RGS6: variants seen among roughly 807,000 people sequenced by gnomAD.
RGS6 encodes regulator of G protein signaling 6.
A neutral mutation model predicts 78.5 loss-of-function variants in RGS6; 30 were observed. That is an observed-to-expected ratio of 0.38 (90% CI 0.29 to 0.52). The LOEUF is 0.52. RGS6 is among the 20% of genes least tolerant of loss of function. The pLI is 0.85. For synonymous variants in RGS6, 206 were observed against 206.0 expected, an observed-to-expected ratio of 1.00 and a Z score of 0.00; for missense variants, 495 against 609.7, an observed-to-expected ratio of 0.81 and a Z score of 1.98.
chr14:72,604,700 T>G, the RGS6 span, among the ~76,000 whole-genome samples: 587 of 152,260 alleles, frequency 3.9e-3, 10 homozygotes, highest in African/African-American at 0.014. Flanking sequence ...TGGGTGCTGG[T>G]ACGACCCTCC....
the RGS6 span, among the ~76,000 whole-genome samples, chr14:71,874,311 A>G: frequency 1.3e-5 from 2 of 151,574 alleles, no homozygotes; most frequent in African/African-American, 2.4e-5. Flanking sequence ...GTCCTTTTTT[A>G]TTTCATTGAG....
At chr14:71,892,271 A>C in the RGS6 span, among the ~76,000 whole-genome samples, 1 of 152,198 alleles carries the variant, frequency 6.6e-6, no homozygotes, top group Non-Finnish European at 1.5e-5. Context: ...GAGAAATTGT[A>C]TTTTGTCTAA....
At chr14:72,550,463 AGACT>A (rs1439121726) in intron 17 of RGS6, 3 of 1,535,620 alleles carry the variant, frequency 2.0e-6, no homozygotes, top group South Asian at 2.4e-5. Context: ...AGGAAAAGAC[AGACT>A]GTCAAGCAAG....
At chr14:72,248,947 A>G (rs369821999) in intron 2 of RGS6, among the ~76,000 whole-genome samples, 1 of 152,156 alleles carries the variant, frequency 6.6e-6, no homozygotes, top group Non-Finnish European at 1.5e-5. Context: ...ATTCTCTCCT[A>G]ATAAGGCTTG....
intron 2 of RGS6, among the ~76,000 whole-genome samples, chr14:72,265,650 G>T (rs778709185): frequency 1.3e-5 from 2 of 152,052 alleles, no homozygotes; most frequent in East Asian, 3.9e-4. Context: ...TAATATTCAC[G>T]GAGAGCCAAA....
chr14:72,431,624 G>A (rs1275696260), intron 3 of RGS6, among the ~76,000 whole-genome samples: 1 of 151,816 alleles, frequency 6.6e-6, no homozygotes, highest in South Asian at 2.1e-4. Flanking sequence ...CTCAAGTGAA[G>A]TGCCCACCTC....
chr14:72,332,151 C>T (rs758390380), intron 2 of RGS6, among the ~76,000 whole-genome samples: 39 of 152,138 alleles, frequency 2.6e-4, no homozygotes, highest in Non-Finnish European at 1.0e-4. Context: ...CTGGGGAAAC[C>T]GTCTGACAGA....
chr14:72,004,001 T>C (rs536502402), intron 2 of RGS6, among the ~76,000 whole-genome samples: 4 of 152,278 alleles, frequency 2.6e-5, no homozygotes, highest in Non-Finnish European at 4.4e-5. Context: ...CAAACTTTGC[T>C]CTCCACTGGA....
chr14:72,460,254 T>G (rs980960260), intron 6 of RGS6, among the ~76,000 whole-genome samples: 5 of 152,342 alleles, frequency 3.3e-5, no homozygotes, highest in African/African-American at 1.2e-4. Context: ...TGCCAGATAT[T>G]CTCAGTGGAG....
At chr14:72,380,234 A>C (rs2152882069) in intron 3 of RGS6, among the ~76,000 whole-genome samples, 1 of 152,220 alleles carries the variant, frequency 6.6e-6, no homozygotes, top group Admixed American at 6.5e-5. Flanking sequence ...AAAACATAGG[A>C]GAAATGCTTC....
At chr14:71,966,708 A>G (rs1447135015) in intron 2 of RGS6, among the ~76,000 whole-genome samples, 2 of 152,242 alleles carry the variant, frequency 1.3e-5, no homozygotes, top group African/African-American at 4.8e-5. Context: ...GAGGCATCTT[A>G]TATCCTACTT....
chr14:72,218,075 T>C (rs1018741621), intron 2 of RGS6, among the ~76,000 whole-genome samples: 2 of 152,180 alleles, frequency 1.3e-5, no homozygotes, highest in African/African-American at 2.4e-5. Flanking sequence ...TTCTATGGAA[T>C]GGATTATTAA....
rs574308856 is a variant in RGS6 at position 72,263,194 on chromosome 14, C to T, written c.85-88901C>T. ...CTTCTAAGTTTCTGAGCTAAAACAA[C>T]TTATTTGTCCTTTGTGACTTGTATA... On this transcript the variant is annotated intron_variant, in intron 2 of 17. Transcript: ENST00000553525. Among the ~76,000 whole-genome samples, 28 of 152,300 alleles carry T rather than the reference C, an allele frequency of 1.8e-4. 1 individual carries two copies. The South Asian group carries it at 5.8e-3, about 32-fold the overall frequency.
chr14:72,394,907 A>G (rs945407430), intron 3 of RGS6, among the ~76,000 whole-genome samples: 31 of 152,218 alleles, frequency 2.0e-4, no homozygotes, highest in African/African-American at 7.2e-4. Context: ...AGACAGGCAT[A>G]AGAAATTATA....
chr14:72,072,994 G>A (rs1302108189), intron 2 of RGS6, among the ~76,000 whole-genome samples: 1 of 152,168 alleles, frequency 6.6e-6, no homozygotes, highest in African/African-American at 2.4e-5. Context: ...ATTTCTCCAG[G>A]TGATCTAATG....
chr14:71,957,568 C>T (rs778249867), intron 1 of RGS6, among the ~76,000 whole-genome samples: 4 of 151,848 alleles, frequency 2.6e-5, no homozygotes, highest in Admixed American at 1.3e-4. Flanking sequence ...TGTGGGGAGT[C>T]GGAGGGGTTG....
At chr14:72,062,043 G>A (rs1463531562) in intron 2 of RGS6, among the ~76,000 whole-genome samples, 1 of 152,188 alleles carries the variant, frequency 6.6e-6, no homozygotes, top group Admixed American at 6.5e-5. Flanking sequence ...TGGTATCAAT[G>A]ATGAGAGTTA....
At chr14:72,439,865 TCTC>T (rs1414343196) in intron 3 of RGS6, among the ~76,000 whole-genome samples, 1 of 152,170 alleles carries the variant, frequency 6.6e-6, no homozygotes, top group East Asian at 1.9e-4. Context: ...CTGTCCACCT[TCTC>T]CTAGAAAGAC....
chr14:72,547,099 C>A, intron 17 of RGS6: 2 of 1,414,404 alleles, frequency 1.4e-6, no homozygotes, highest in Non-Finnish European at 1.9e-6. Flanking sequence ...GGGCCCCCCG[C>A]AGGATAAACA....
Sources: gnomAD v4.1 joint callset for allele counts (sites outside exome capture counted in the v4.1 genomes callset) on GRCh38, gnomAD v4.1.1 for gene constraint, MANE v1.5 for transcripts, NCBI Gene and HGNC (gene_info 2026-07-23, HGNC 2026-07-21) for gene names.